Variants in CPEB4 observed in about 807,000 individuals in gnomAD.
CPEB4 encodes cytoplasmic polyadenylation element-binding protein 4.
In CPEB4, 12 loss-of-function variants were observed where a neutral mutation model predicts 72.5. The ratio of observed to expected loss-of-function variants is 0.17; its 90% CI spans 0.11 to 0.27. The LOEUF is 0.27. Ranked by LOEUF, CPEB4 falls within the 10% of genes least tolerant of loss-of-function variation. The pLI is 1.00. For missense variants in CPEB4, 614 were observed against 908.5 expected (o/e 0.68, Z 4.17); for synonymous variants, 302 against 326.3 (o/e 0.93, Z 0.80).
Position 173,957,233 on chromosome 5 carries a change from AT to A in CPEB4, c.*1099del, listed in dbSNP as rs1325771528. The stretch of plus-strand genomic sequence containing the variant: ...AACTGGAAGACAAAACCAATATATA[AT>A]TTGGCTGCTGATTGGCTTACTTTTA... On this transcript the variant is annotated 3_prime_UTR_variant, in exon 10 of 10. Transcript: ENST00000265085. The A allele has an allele frequency of 2.0e-5, 3 of 152,794 alleles. No individual in the cohort carries two copies. Among genetic ancestry groups the A allele is most frequent in the African/African-American group, 4.8e-5 (2 of 41,458 alleles). The allele number at this position is 152,794 out of a possible 1,614,324, so 9.5% of individuals were successfully genotyped here.
Position 173,888,426 on chromosome 5 carries a change from G to GGCGGCGGCAGCA in CPEB4, c.-1303_-1302insGGCAGCAGCGGC, listed in dbSNP as rs1755685353. 4.3e-6 allele frequency: 2 copies of GGCGGCGGCAGCA among 460,142 alleles called. No homozygotes were observed. The highest frequency in any genetic ancestry group is 7.5e-6 in the Non-Finnish European group (2 of 266,582). The allele number at this position is 460,142 out of a possible 1,614,324, so 28.5% of individuals were successfully genotyped here. A position where few individuals can be genotyped will look rare whatever the true frequency, so the allele number is the denominator to read the frequency against. On this transcript the variant is annotated 5_prime_UTR_variant, in exon 1 of 10. Coordinates refer to ENST00000265085, the MANE Select transcript of CPEB4 (RefSeq NM_030627.4). This position sits in a 1 kb window ranked among gnomAD's most constrained non-coding sequence, Gnocchi z 4.3. Reference sequence around the variant, plus strand: ...ACCGGGAGGCGGTGGCGGCGGCGGCGGCGGCAGCAGCGGCGACAGCAGAGG... The same window carrying GGCGGCGGCAGCA: ...ACCGGGAGGCGGTGGCGGCGGCGGCGGCGGCGGCAGCAGCGGCAGCAGCGGCGACAGCAGAGG...
In CPEB4 at chr5:173,890,875, T is replaced by G; in HGVS notation, c.1125+17T>G. The G allele has an allele frequency of 6.3e-7, 1 of 1,585,776 alleles. No homozygotes were observed. Among genetic ancestry groups the G allele is most frequent in the Non-Finnish European group, 8.6e-7 (1 of 1,165,692 alleles). ...CCTTTTCCGGTAAGATTATGTTCCA[T>G]TAATAGATTAGGATGAATAAGGAAA... is the stretch of plus-strand genomic sequence containing the variant. On this transcript the variant is annotated intron_variant, in intron 1 of 9. Coordinates refer to ENST00000265085, the MANE Select transcript of CPEB4 (RefSeq NM_030627.4).
intron 1 of CPEB4, among the ~76,000 whole-genome samples, chr5:173,899,412 G>A (rs1236673513): frequency 6.6e-6 from 1 of 152,170 alleles, no homozygotes; most frequent in Non-Finnish European, 1.5e-5. Flanking sequence ...AAGAAGGGTA[G>A]TGAGAAACTG....
intron 2 of CPEB4, among the ~76,000 whole-genome samples, chr5:173,912,589 G>GA (rs1488660423): frequency 2.7e-5 from 4 of 148,454 alleles, no homozygotes; most frequent in Admixed American, 6.7e-5. Flanking sequence ...ATTTGAAAAA[G>GA]AAAAAAACAC....
At chr5:173,906,761 G>A (rs1033883404) in intron 1 of CPEB4, among the ~76,000 whole-genome samples, 2 of 152,146 alleles carry the variant, frequency 1.3e-5, no homozygotes, top group Admixed American at 6.5e-5. Context: ...CTAAAAATTA[G>A]TGTAAAAAGG....
At chr5:173,943,759 T>G (rs1395499206) in intron 4 of CPEB4, among the ~76,000 whole-genome samples, 1 of 152,346 alleles carries the variant, frequency 6.6e-6, no homozygotes, top group Admixed American at 6.5e-5. Context: ...TGACATATGC[T>G]ATTATAGGAT....
intron 3 of CPEB4, among the ~76,000 whole-genome samples, chr5:173,932,728 A>G (rs1757490754): frequency 6.6e-6 from 1 of 152,222 alleles, no homozygotes; most frequent in South Asian, 2.1e-4. Flanking sequence ...GACAATGAGA[A>G]TGAAAATCCC....
intron 2 of CPEB4, among the ~76,000 whole-genome samples, chr5:173,913,949 A>G (rs550147793): frequency 6.6e-6 from 1 of 152,336 alleles, no homozygotes; most frequent in South Asian, 2.1e-4. Context: ...TAAAGAAATT[A>G]CATGTATTAT....
chr5:173,929,409 TC>T (rs1383103620), intron 2 of CPEB4, among the ~76,000 whole-genome samples: 2 of 152,184 alleles, frequency 1.3e-5, no homozygotes, highest in Admixed American at 1.3e-4. Context: ...TTCATTATCC[TC>T]CCTTAGGGCT....
At chr5:173,902,869 G>A (rs1184857724) in intron 1 of CPEB4, among the ~76,000 whole-genome samples, 1 of 152,108 alleles carries the variant, frequency 6.6e-6, no homozygotes, top group South Asian at 2.1e-4. Flanking sequence ...CAAGTCCAAA[G>A]GGACCAGTAT....
At chr5:173,919,055 TTTTTC>T (rs1315320926) in intron 2 of CPEB4, among the ~76,000 whole-genome samples, 6 of 152,182 alleles carry the variant, frequency 3.9e-5, no homozygotes, top group African/African-American at 1.4e-4. Flanking sequence ...AATACATAAT[TTTTTC>T]TTTTCAGTTG....
At chr5:173,952,772 C>T (rs1302780657) in intron 8 of CPEB4, among the ~76,000 whole-genome samples, 2 of 152,128 alleles carry the variant, frequency 1.3e-5, no homozygotes, top group African/African-American at 4.8e-5. Context: ...CATGGGAGTA[C>T]TATCACTTAA....
intron 7 of CPEB4, among the ~76,000 whole-genome samples, chr5:173,951,111 T>C (rs536488973): frequency 1.2e-4 from 19 of 152,312 alleles, no homozygotes; most frequent in African/African-American, 4.6e-4. Context: ...GACTTGTTTA[T>C]GTTCCCTGCC....
intron 1 of CPEB4, among the ~76,000 whole-genome samples, chr5:173,902,564 T>A (rs187711360): frequency 1.3e-4 from 20 of 152,288 alleles, no homozygotes; most frequent in Admixed American, 3.3e-4. Flanking sequence ...TTTTTGCCTG[T>A]GAGCACATAA....
intron 3 of CPEB4, among the ~76,000 whole-genome samples, chr5:173,936,111 T>A (rs1282829776): frequency 6.6e-6 from 1 of 152,238 alleles, no homozygotes; most frequent in Non-Finnish European, 1.5e-5. Context: ...ATTTTCAATG[T>A]ATTTTTAAAA....
chr5:173,941,010 C>G (rs1439032288), intron 3 of CPEB4, among the ~76,000 whole-genome samples: 1 of 152,134 alleles, frequency 6.6e-6, no homozygotes, highest in Non-Finnish European at 1.5e-5. Context: ...ACAGCCCTTA[C>G]TATTCCGGAA....
Position 173,890,397 on chromosome 5 carries a change from T to C in CPEB4, c.664T>C (p.Phe222Leu). 3 of 1,614,060 alleles carry C rather than the reference T, an allele frequency of 1.9e-6. No homozygotes were observed. The highest frequency in any genetic ancestry group is 2.5e-6 in the Non-Finnish European group (3 of 1,180,004). The change falls in exon 1 of 10, where the codon TTC becomes CTC. Residue 222 changes from phenylalanine (F) to leucine (L), a missense_variant. By Grantham distance (22) the Phe-to-Leu change is conservative (BLOSUM62 0). Transcript: ENST00000265085. ...HHVSPGFGGSFSPQIGPLSQH... is the reference protein window; with the variant it reads ...HHVSPGFGGSLSPQIGPLSQH... ...TGTCAGCCCTGGCTTTGGAGGCAGC[T>C]TCTCTCCTCAGATCGGGCCTCTCTC...
chr5:173,911,423 C>T (rs1204290250), intron 2 of CPEB4, among the ~76,000 whole-genome samples: 1 of 151,992 alleles, frequency 6.6e-6, no homozygotes, highest in Non-Finnish European at 1.5e-5. Flanking sequence ...CTACCACGCC[C>T]GGCTCATTTT....
intron 1 of CPEB4, 97 bp downstream of exon 1, chr5:173,890,955 G>C: frequency 8.6e-7 from 1 of 1,164,008 alleles, no homozygotes; most frequent in South Asian, 1.7e-5. Context: ...ATTCACATCA[G>C]AGCTTTTCTT....
Sources: gnomAD v4.1 joint callset for allele counts (sites outside exome capture counted in the v4.1 genomes callset) on GRCh38, gnomAD v4.1.1 for gene constraint, Gnocchi (gnomAD v3.1) non-coding constraint, MANE v1.5 for transcripts, NCBI Gene and HGNC (gene_info 2026-07-23, HGNC 2026-07-21) for gene names.